RPS6KC1: variants seen among roughly 807,000 people sequenced by gnomAD.
RPS6KC1 encodes the protein inactive ribosomal protein S6 kinase delta-1.
RPS6KC1 carries 54 observed loss-of-function variants against 103.8 expected under a neutral mutation model. That is an observed-to-expected ratio of 0.52 (90% confidence interval 0.42 to 0.65). RPS6KC1 has a LOEUF of 0.65. Among genes scored for constraint, RPS6KC1 ranks in the 30% least tolerant of loss-of-function variants. RPS6KC1 has a pLI of 0.00. For synonymous variants in RPS6KC1, 439 were observed against 438.7 expected, an observed-to-expected ratio of 1.00 and a Z score of -0.01; for missense variants, 1,151 against 1,253.8, an observed-to-expected ratio of 0.92 and a Z score of 1.24.
intron 13 of RPS6KC1, 145 bp downstream of exon 13, chr1:213,261,785 T>C (rs2094803611): frequency 6.1e-6 from 4 of 653,372 alleles, no homozygotes; most frequent in Non-Finnish European, 1.0e-5. Context: ...GAAATGCAAG[T>C]TTATCAAGAG....
chr1:213,327,892 C>T, the RPS6KC1 span, among the ~76,000 whole-genome samples: 1 of 152,142 alleles, frequency 6.6e-6, no homozygotes, highest in Non-Finnish European at 1.5e-5. Flanking sequence ...TCTCATCAGT[C>T]ATCTCCTCAT....
At chr1:213,818,089 C>A in the RPS6KC1 span, 1 of 152,200 alleles carries the variant, frequency 6.6e-6, no homozygotes, top group Non-Finnish European at 1.5e-5. Flanking sequence ...GCCCCACTGA[C>A]TTTCTGTTTT....
intron 1 of RPS6KC1, among the ~76,000 whole-genome samples, chr1:213,066,424 A>G (rs1476419313): frequency 6.6e-6 from 1 of 152,238 alleles, no homozygotes; most frequent in African/African-American, 2.4e-5. Context: ...TTCACTGTGA[A>G]GTATTTGGTG....
intron 12 of RPS6KC1, among the ~76,000 whole-genome samples, chr1:213,250,001 G>A: frequency 6.6e-6 from 1 of 152,212 alleles, no homozygotes; most frequent in East Asian, 1.9e-4. Flanking sequence ...TGGGAGAAAA[G>A]TGGAATTAGA....
the RPS6KC1 span, among the ~76,000 whole-genome samples, chr1:213,449,835 AAG>A: frequency 3.3e-4 from 50 of 152,286 alleles, no homozygotes; most frequent in African/African-American, 1.1e-3. Context: ...TGGCTTTCAG[AAG>A]AGTGTTTTGT....
At chr1:213,341,706 G>A in the RPS6KC1 span, among the ~76,000 whole-genome samples, 435 of 152,286 alleles carry the variant, frequency 2.9e-3, 6 homozygotes, top group Non-Finnish European at 3.9e-3. Context: ...ATCCTGCAAG[G>A]TACATGCTAT....
intron 7 of RPS6KC1, among the ~76,000 whole-genome samples, chr1:213,173,336 A>G (rs1167779652): frequency 1.3e-5 from 2 of 152,162 alleles, no homozygotes; most frequent in Non-Finnish European, 2.9e-5. Flanking sequence ...GCCTTTGGTC[A>G]TTTGTCCTTC....
At chr1:213,162,574 T>C (rs927113167) in intron 6 of RPS6KC1, among the ~76,000 whole-genome samples, 4 of 152,174 alleles carry the variant, frequency 2.6e-5, no homozygotes, top group East Asian at 1.9e-4. Flanking sequence ...TGAGTCACCA[T>C]ACTTGGCCAG....
intron 5 of RPS6KC1, among the ~76,000 whole-genome samples, chr1:213,122,261 T>A (rs2084475484): frequency 6.6e-6 from 1 of 152,172 alleles, no homozygotes; most frequent in African/African-American, 2.4e-5. Flanking sequence ...CTTTACGGTG[T>A]GTAGACAGAC....
chr1:213,363,814 CT>C, the RPS6KC1 span, among the ~76,000 whole-genome samples: 1,310 of 23,298 alleles, frequency 0.056, 152 homozygotes, highest in Middle Eastern at 0.1. Context: ...TTCTTTCTTT[CT>C]TCTCTCTTTT....
At chr1:213,396,740 C>T in the RPS6KC1 span, among the ~76,000 whole-genome samples, 1,012 of 152,294 alleles carry the variant, frequency 6.6e-3, 9 homozygotes, top group African/African-American at 0.023. Context: ...TTGTTCCATA[C>T]GCGTTTGTGG....
chr1:213,502,678 T>G, the RPS6KC1 span, among the ~76,000 whole-genome samples: 3 of 152,144 alleles, frequency 2.0e-5, no homozygotes, highest in South Asian at 6.2e-4. Flanking sequence ...AATATTTTCA[T>G]GTGGCAAAAT....
At chr1:213,770,390 T>C in the RPS6KC1 span, among the ~76,000 whole-genome samples, 2 of 152,220 alleles carry the variant, frequency 1.3e-5, no homozygotes, top group African/African-American at 2.4e-5. Context: ...GGGTCACGAT[T>C]TACCCAATAG....
At chr1:213,816,129 C>T in the RPS6KC1 span, among the ~76,000 whole-genome samples, 2 of 152,120 alleles carry the variant, frequency 1.3e-5, no homozygotes, top group Admixed American at 6.5e-5. Flanking sequence ...CTCAAAACAA[C>T]TACAATAGTA....
chr1:213,321,245 G>A, the RPS6KC1 span, among the ~76,000 whole-genome samples: 1 of 152,210 alleles, frequency 6.6e-6, no homozygotes, highest in East Asian at 1.9e-4. Context: ...GTTTTTCTGG[G>A]TAGATAGTTT....
chr1:213,316,111 G>T, the RPS6KC1 span, among the ~76,000 whole-genome samples: 2 of 152,190 alleles, frequency 1.3e-5, no homozygotes, highest in African/African-American at 4.8e-5. Context: ...GATCATGGGG[G>T]CAGTTTCCCC....
chr1:213,607,752 TCTTTC>T, the RPS6KC1 span, among the ~76,000 whole-genome samples: 2 of 150,936 alleles, frequency 1.3e-5, no homozygotes, highest in African/African-American at 4.9e-5. Context: ...GAGGTAGCTT[TCTTTC>T]CTTATCTCAA....
chr1:213,063,607 T>A lies in RPS6KC1; in HGVS notation c.106-7399T>A, dbSNP rs537196746. 2.0e-3 allele frequency among the ~76,000 whole-genome samples: 302 copies of A among 152,334 alleles called. 1 individual carries two copies. The highest frequency in any genetic ancestry group is 7.0e-3 in the African/African-American group (291 of 41,576). ...TAGTATTTCTCTAGTGCTTCAGATT[T>A]TAGTAGGTGTTGTACTAAATAAATA... On this transcript the variant is annotated intron_variant, in intron 1 of 14. Transcript: ENST00000366960.
chr1:213,394,276 C>T, the RPS6KC1 span, among the ~76,000 whole-genome samples: 2 of 152,114 alleles, frequency 1.3e-5, no homozygotes, highest in African/African-American at 2.4e-5. Flanking sequence ...AGCTCATGCT[C>T]GTGCCAATGA....
Sources: gnomAD v4.1 joint callset for allele counts (sites outside exome capture counted in the v4.1 genomes callset) on GRCh38, gnomAD v4.1.1 for gene constraint, MANE v1.5 for transcripts, NCBI Gene and HGNC (gene_info 2026-07-23, HGNC 2026-07-21) for gene names.